Variants in GLCCI1 observed in about 807,000 individuals in gnomAD.
GLCCI1 encodes glucocorticoid induced 1.
Under a neutral mutation model 52.2 loss-of-function variants are expected in GLCCI1, and 24 were observed. The observed-to-expected ratio is 0.46, with a 90% CI of 0.33 to 0.65. The LOEUF is 0.65. GLCCI1 is among the 30% of genes least tolerant of loss of function. The pLI is 0.02. For synonymous variants in GLCCI1, 310 were observed against 276.5 expected (o/e 1.12, Z -1.20); for missense variants, 704 against 701.5 (o/e 1.00, Z -0.04).
intron 5 of GLCCI1, among the ~76,000 whole-genome samples, chr7:8,066,579 G>A (rs1191501703): frequency 1.3e-5 from 2 of 150,582 alleles, no homozygotes; most frequent in African/African-American, 2.5e-5. Flanking sequence ...CTAGTATGTT[G>A]TATCTTTAGT....
At chr7:8,036,105 C>T (rs1781862669) in intron 3 of GLCCI1, among the ~76,000 whole-genome samples, 1 of 152,180 alleles carries the variant, frequency 6.6e-6, no homozygotes, top group African/African-American at 2.4e-5. Flanking sequence ...ATAAGCACCA[C>T]CTATTGGTCT....
chr7:8,081,231 A>C (rs1699032317), intron 6 of GLCCI1, among the ~76,000 whole-genome samples: 1 of 152,142 alleles, frequency 6.6e-6, no homozygotes, highest in South Asian at 2.1e-4. Flanking sequence ...GCTCCTCCCC[A>C]GACTAATTAA....
At chr7:8,014,246 C>T (rs1312655266) in intron 2 of GLCCI1, among the ~76,000 whole-genome samples, 1 of 152,182 alleles carries the variant, frequency 6.6e-6, no homozygotes, top group African/African-American at 2.4e-5. Context: ...ATCCACCCAT[C>T]TCGGCCTCCC....
chr7:7,995,749 C>G (rs774931220), intron 1 of GLCCI1, among the ~76,000 whole-genome samples: 1 of 151,794 alleles, frequency 6.6e-6, no homozygotes, highest in Non-Finnish European at 1.5e-5. Flanking sequence ...CAGGGCCTGT[C>G]GTGGGGTGGG....
chr7:8,085,772 G>C (rs1007467224), intron 7 of GLCCI1, among the ~76,000 whole-genome samples: 1 of 152,068 alleles, frequency 6.6e-6, no homozygotes, highest in Non-Finnish European at 1.5e-5. Context: ...CTGTGCTAGC[G>C]GAAGTCTATC....
At chr7:8,082,724 A>T (rs992209829) in intron 6 of GLCCI1, among the ~76,000 whole-genome samples, 4 of 152,230 alleles carry the variant, frequency 2.6e-5, no homozygotes, top group African/African-American at 9.6e-5. Flanking sequence ...AACTCTGTTA[A>T]AAGATGCACT....
chr7:7,996,236 CATT>C (rs2115420445), intron 1 of GLCCI1, among the ~76,000 whole-genome samples: 1 of 152,144 alleles, frequency 6.6e-6, no homozygotes, highest in East Asian at 1.9e-4. Flanking sequence ...TATATGAACT[CATT>C]AGTCATAGTG....
intron 2 of GLCCI1, 103 bp from the exon 3 acceptor site, chr7:8,022,380 C>T (rs2127948615): frequency 3.9e-6 from 2 of 510,688 alleles, no homozygotes; most frequent in East Asian, 4.8e-5. Context: ...TAGTATAGCT[C>T]TCTAACTGGT....
intron 1 of GLCCI1, chr7:7,982,150 A>C (rs1344235117): frequency 2.7e-6 from 1 of 364,658 alleles, no homozygotes; most frequent in Non-Finnish European, 5.4e-6. Context: ...AGACATCTTT[A>C]TGAAAGAGAA....
chr7:8,045,229 A>G (rs1782094021), intron 3 of GLCCI1, among the ~76,000 whole-genome samples: 1 of 152,202 alleles, frequency 6.6e-6, no homozygotes, highest in East Asian at 1.9e-4. Context: ...GTTAGTGCAC[A>G]GGATGAGAAC....
Position 8,086,542 on chromosome 7 carries a change from AG to A in GLCCI1, c.*9del. 1.9e-6 allele frequency: 3 copies of A among 1,572,614 alleles called. No individual in the cohort carries two copies. The highest frequency in any genetic ancestry group is 2.6e-6 in the Non-Finnish European group (3 of 1,161,510). ...TCAGAACTATGTGATCATCTAAAAA[AG>A]GGGGAGCTGGCCTCCACCCTATGTT... On this transcript the variant is annotated 3_prime_UTR_variant, in exon 8 of 8. Coordinates refer to ENST00000223145, the MANE Select transcript of GLCCI1 (RefSeq NM_138426.4). This position sits in a 1 kb window ranked among gnomAD's most constrained non-coding sequence, Gnocchi z 4.4.
chr7:8,053,602 G>T (rs925595509), intron 3 of GLCCI1, among the ~76,000 whole-genome samples: 2 of 151,596 alleles, frequency 1.3e-5, no homozygotes, highest in African/African-American at 2.4e-5. Context: ...TGGGATTACA[G>T]GTGTGAGCCA....
At chr7:8,007,428 C>T (rs1781176575) in intron 2 of GLCCI1, among the ~76,000 whole-genome samples, 1 of 151,968 alleles carries the variant, frequency 6.6e-6, no homozygotes, top group African/African-American at 2.4e-5. Context: ...AAAGCGTTTC[C>T]TTTTTTTTCT....
intron 6 of GLCCI1, among the ~76,000 whole-genome samples, chr7:8,079,163 T>C (rs1024776674): frequency 2.6e-5 from 4 of 152,046 alleles, no homozygotes; most frequent in African/African-American, 9.7e-5. Flanking sequence ...GGTAAATATG[T>C]ATAATGCACT....
chr7:8,054,446 C>G (rs917905223), intron 3 of GLCCI1, among the ~76,000 whole-genome samples: 1 of 152,012 alleles, frequency 6.6e-6, no homozygotes, highest in African/African-American at 2.4e-5. Context: ...TAAATTCTTC[C>G]TTGTTTGGGT....
At chr7:8,026,772 A>G (rs1157696419) in intron 3 of GLCCI1, among the ~76,000 whole-genome samples, 1 of 152,280 alleles carries the variant, frequency 6.6e-6, no homozygotes, top group Non-Finnish European at 1.5e-5. Flanking sequence ...TCCAGCAGTC[A>G]GAACTTTTTA....
chr7:8,049,391 T>C (rs944861204), intron 3 of GLCCI1, among the ~76,000 whole-genome samples: 5 of 152,204 alleles, frequency 3.3e-5, no homozygotes, highest in Non-Finnish European at 5.9e-5. Flanking sequence ...GATAATAGTC[T>C]GAATATTTTA....
intron 3 of GLCCI1, among the ~76,000 whole-genome samples, chr7:8,043,103 A>T (rs1483123292): frequency 6.6e-6 from 1 of 152,230 alleles, no homozygotes; most frequent in Non-Finnish European, 1.5e-5. Context: ...GATCATTAGC[A>T]TTTTTTAGCA....
chr7:7,980,429 T>A (rs748562006), intron 1 of GLCCI1: 1 of 246,578 alleles, frequency 4.1e-6, no homozygotes, highest in Non-Finnish European at 7.6e-6. Context: ...ATGGCATTTG[T>A]GATGGCAGTG....
Sources: allele counts gnomAD v4.1 joint callset (sites outside exome capture counted in the v4.1 genomes callset), GRCh38; gene constraint gnomAD v4.1.1; non-coding constraint Gnocchi (gnomAD v3.1); transcripts MANE v1.5; gene names NCBI Gene and HGNC (gene_info 2026-07-23, HGNC 2026-07-21).